The following METTL15 variants were observed in gnomAD, a reference collection of about 807,000 sequenced individuals.
METTL15 encodes the protein 12S rRNA N(4)-cytidine methyltransferase METTL15.
A neutral mutation model predicts 38.3 loss-of-function variants in METTL15; 34 were observed. The observed-to-expected ratio is 0.89, with a 90% CI of 0.68 to 1.18. METTL15 has a LOEUF of 1.18. Among genes scored for constraint, METTL15 ranks in the 50% most tolerant of loss-of-function variants. The pLI is 0.00. For missense variants in METTL15, 438 were observed against 498.4 expected (o/e 0.88, Z 1.15); for synonymous variants, 162 against 170.9 (o/e 0.95, Z 0.41).
chr11:28,113,555 C>G lies in METTL15; in HGVS notation c.221C>G (p.Pro74Arg). ...GAAACTATGGCTAAATTACATATTC[C>G]AGTAATGGTGGATGAAGTTGTTCAT... ...DFETMAKLHIPVMVDEVVHCL... is the reference protein window; with the variant it reads ...DFETMAKLHIRVMVDEVVHCL... The change falls in exon 3 of 7, where the codon CCA becomes CGA. Residue 74 changes from proline (P) to arginine (R), a missense_variant. By Grantham distance (103) the Pro-to-Arg change is moderately radical (BLOSUM62 -2). Coordinates refer to ENST00000407364, the MANE Select transcript of METTL15 (RefSeq NM_001113528.2). 6.2e-7 allele frequency: 1 copy of G among 1,613,178 alleles called. No homozygotes were observed. Among genetic ancestry groups the G allele is most frequent in the East Asian group, 2.2e-5 (1 of 44,824 alleles).
At chr11:28,480,675 G>A (rs1247251920) in intron 6 of METTL15, among the ~76,000 whole-genome samples, 3 of 152,114 alleles carry the variant, frequency 2.0e-5, no homozygotes, top group Admixed American at 2.0e-4. Flanking sequence ...CCTTGCAATC[G>A]TATATTATTG....
chr11:28,437,028 A>G (rs1026763178), intron 6 of METTL15, among the ~76,000 whole-genome samples: 1 of 152,162 alleles, frequency 6.6e-6, no homozygotes. Context: ...CTTCCATGCT[A>G]GATGCTTCCT....
chr11:28,238,254 T>C (rs1191823945), intron 4 of METTL15, among the ~76,000 whole-genome samples: 1 of 152,154 alleles, frequency 6.6e-6, no homozygotes, highest in Non-Finnish European at 1.5e-5. Context: ...TGTGGTGGGC[T>C]CCACCCAGTG....
At chr11:28,276,052 A>T (rs1247480046) in intron 4 of METTL15, among the ~76,000 whole-genome samples, 1 of 152,084 alleles carries the variant, frequency 6.6e-6, no homozygotes, top group Non-Finnish European at 1.5e-5. Flanking sequence ...AAAGATGCTC[A>T]CATTCACCAC....
intron 6 of METTL15, among the ~76,000 whole-genome samples, chr11:28,502,199 C>T (rs927984639): frequency 2.6e-5 from 4 of 151,680 alleles, no homozygotes; most frequent in African/African-American, 4.8e-5. Flanking sequence ...TTAAATGAGG[C>T]GAGAGAAATT....
At chr11:28,354,856 T>C (rs1850076658) in intron 4 of METTL15, among the ~76,000 whole-genome samples, 1 of 152,168 alleles carries the variant, frequency 6.6e-6, no homozygotes, top group African/African-American at 2.4e-5. Flanking sequence ...CCAACAAAAA[T>C]GTTTAGAGAA....
At chr11:28,147,818 A>G (rs1238712060) in intron 3 of METTL15, among the ~76,000 whole-genome samples, 1 of 151,864 alleles carries the variant, frequency 6.6e-6, no homozygotes, top group African/African-American at 2.4e-5. Context: ...CCATTGTACA[A>G]ACTTATTTGA....
At chr11:28,144,765 C>G (rs1849821739) in intron 3 of METTL15, 1 of 152,838 alleles carries the variant, frequency 6.5e-6, no homozygotes, top group Non-Finnish European at 1.5e-5. Flanking sequence ...TATGTCCTTT[C>G]TTTTGAGTAA....
intron 4 of METTL15, among the ~76,000 whole-genome samples, chr11:28,288,809 TTAAAAGTTAAA>T (rs1223563437): frequency 6.6e-6 from 1 of 152,052 alleles, no homozygotes; most frequent in Non-Finnish European, 1.5e-5. Context: ...ACCCCTGAAC[TTAAAAGTTAAA>T]TAAAATAAAT....
At chr11:28,370,129 T>G (rs1850227744) in intron 5 of METTL15, among the ~76,000 whole-genome samples, 1 of 152,106 alleles carries the variant, frequency 6.6e-6, no homozygotes, top group Non-Finnish European at 1.5e-5. Context: ...CTGTAAACTG[T>G]AGTTACATAC....
chr11:28,404,072 A>G (rs565058396), intron 5 of METTL15, among the ~76,000 whole-genome samples: 1 of 152,142 alleles, frequency 6.6e-6, no homozygotes, highest in Non-Finnish European at 1.5e-5. Context: ...CCTAGAAAAC[A>G]TGAGCATAGA....
chr11:28,400,646 T>C (rs1850622278), intron 5 of METTL15, among the ~76,000 whole-genome samples: 1 of 151,974 alleles, frequency 6.6e-6, no homozygotes, highest in Admixed American at 6.6e-5. Flanking sequence ...TTCAGCTTTC[T>C]TGCTCAGTGG....
chr11:28,364,383 T>C (rs1850167717), intron 5 of METTL15, among the ~76,000 whole-genome samples: 1 of 152,158 alleles, frequency 6.6e-6, no homozygotes, highest in South Asian at 2.1e-4. Context: ...GTTCTCCTTG[T>C]AGAGGTCTTT....
At chr11:28,125,288 T>A (rs1852426190) in intron 3 of METTL15, among the ~76,000 whole-genome samples, 2 of 152,126 alleles carry the variant, frequency 1.3e-5, no homozygotes, top group Admixed American at 6.6e-5. Context: ...TTTGAGCAAT[T>A]TATATCAGGG....
At chr11:28,112,887 A>T (rs1251963113) in intron 2 of METTL15, among the ~76,000 whole-genome samples, 5 of 152,172 alleles carry the variant, frequency 3.3e-5, no homozygotes, top group Non-Finnish European at 1.5e-5. Context: ...ATAGAAGACC[A>T]TCTGAATCTA....
chr11:28,420,023 T>C (rs939873436), intron 5 of METTL15, among the ~76,000 whole-genome samples: 2 of 151,992 alleles, frequency 1.3e-5, no homozygotes, highest in African/African-American at 2.4e-5. Context: ...CTACAAGATC[T>C]AGAAAATATA....
intron 4 of METTL15, among the ~76,000 whole-genome samples, chr11:28,263,875 C>T (rs1214450351): frequency 6.6e-6 from 1 of 151,788 alleles, no homozygotes; most frequent in East Asian, 1.9e-4. Context: ...ATATATTGCC[C>T]TTTGCTATGA....
In METTL15 at chr11:28,191,998, A is replaced by G. The variant is rs1006645991; in HGVS notation, c.271-19064A>G. 2.7e-4 allele frequency among the ~76,000 whole-genome samples: 41 copies of G among 151,742 alleles called. 2 individuals carry two copies. The highest frequency in any genetic ancestry group is 6.6e-5 in the Admixed American group (1 of 15,180). The stretch of plus-strand genomic sequence containing the variant: ...TTTATATATTTAAAGCCTTTTTAAA[A>G]TAATGATTAACCAGATAATCTCAAG... On this transcript the variant is annotated intron_variant, in intron 3 of 6. Coordinates refer to ENST00000407364, the MANE Select transcript of METTL15 (RefSeq NM_001113528.2).
intron 3 of METTL15, among the ~76,000 whole-genome samples, chr11:28,126,098 G>A (rs1259802974): frequency 6.6e-6 from 1 of 152,026 alleles, no homozygotes; most frequent in Non-Finnish European, 1.5e-5. Flanking sequence ...CTTGGTGAAA[G>A]TAGGTAGCAC....
Sources: allele counts gnomAD v4.1 joint callset (sites outside exome capture counted in the v4.1 genomes callset), GRCh38; gene constraint gnomAD v4.1.1; transcripts MANE v1.5; gene names NCBI Gene and HGNC (gene_info 2026-07-23, HGNC 2026-07-21).